The following SNTG1 variants were observed in gnomAD, a reference collection of about 807,000 sequenced individuals.
SNTG1 encodes syntrophin gamma 1, also known as gamma-1-syntrophin.
In SNTG1, 39 loss-of-function variants were observed where a neutral mutation model predicts 74.7. The ratio of observed to expected loss-of-function variants is 0.52; its 90% CI spans 0.40 to 0.68. The LOEUF is 0.68. SNTG1 is among the 30% of genes least tolerant of loss of function. The pLI, the probability that SNTG1 is intolerant of heterozygous loss-of-function variation, is 0.00. For missense variants in SNTG1, 685 were observed against 609.5 expected (o/e 1.12, Z -1.30); for synonymous variants, 254 against 217.1 (o/e 1.17, Z -1.49).
chr8:50,101,541 T>A (rs182442305), intron 1 of SNTG1, among the ~76,000 whole-genome samples: 1 of 151,906 alleles, frequency 6.6e-6, no homozygotes, highest in African/African-American at 2.4e-5. Flanking sequence ...ATGGGGAGTA[T>A]ATTTTCTTAT....
At chr8:50,175,740 C>T (rs995677889) in intron 2 of SNTG1, among the ~76,000 whole-genome samples, 4 of 152,106 alleles carry the variant, frequency 2.6e-5, no homozygotes, top group South Asian at 2.1e-4. Context: ...CACTTGAGGG[C>T]GGCTATTCTC....
In SNTG1 at chr8:50,172,559, A is replaced by G. The variant is rs2082844881; in HGVS notation, c.-102-2A>G. 1 of 151,998 alleles carries G rather than the reference A, an allele frequency of 6.6e-6. No individual in the cohort carries two copies. The highest frequency in any genetic ancestry group is 1.5e-5 in the Non-Finnish European group (1 of 68,000). The allele number at this position is 151,998 out of a possible 1,614,324, so 9.4% of individuals were successfully genotyped here. ...CTTATTTTTTTTTATTTCTGCATCT[A>G]GACTGCTCTCCAGAATGTTGAGATT... On this transcript the variant is annotated splice_acceptor_variant, in intron 1 of 18. Transcript: ENST00000642720. LOFTEE classifies it low-confidence loss of function (5UTR_SPLICE).
intron 1 of SNTG1, among the ~76,000 whole-genome samples, chr8:49,965,385 A>T (rs1811050048): frequency 6.6e-6 from 1 of 152,152 alleles, no homozygotes; most frequent in Admixed American, 6.5e-5. Flanking sequence ...TGAGGCCTGG[A>T]TATATTTGCT....
chr8:50,438,733 T>C, intron 5 of SNTG1, 134 bp downstream of exon 5: 1 of 641,556 alleles, frequency 1.6e-6, no homozygotes. Context: ...GACGGGGATG[T>C]AAATTAGGTA....
intron 1 of SNTG1, among the ~76,000 whole-genome samples, chr8:50,087,403 A>G (rs1321687392): frequency 2.0e-5 from 3 of 152,174 alleles, no homozygotes; most frequent in African/African-American, 7.2e-5. Flanking sequence ...CATGTGGTTT[A>G]CTATTTTATG....
chr8:50,433,206 A>G (rs553278066), intron 4 of SNTG1, among the ~76,000 whole-genome samples: 1 of 152,336 alleles, frequency 6.6e-6, no homozygotes, highest in East Asian at 1.9e-4. Flanking sequence ...TAATAATTCC[A>G]TATTCTATGA....
chr8:50,620,977 T>A (rs569679987), intron 13 of SNTG1, among the ~76,000 whole-genome samples: 1 of 152,188 alleles, frequency 6.6e-6, no homozygotes, highest in African/African-American at 2.4e-5. Flanking sequence ...CCATGCAGAA[T>A]TTGCCATCAG....
chr8:50,300,233 C>A (rs1027766806), intron 2 of SNTG1, among the ~76,000 whole-genome samples: 33 of 152,218 alleles, frequency 2.2e-4, no homozygotes, highest in African/African-American at 6.5e-4. Context: ...TTGTAGTATG[C>A]AAGCACCAGT....
intron 2 of SNTG1, among the ~76,000 whole-genome samples, chr8:50,226,576 A>G (rs2085340531): frequency 6.6e-6 from 1 of 152,192 alleles, no homozygotes; most frequent in Non-Finnish European, 1.5e-5. Flanking sequence ...CTTAACCTGA[A>G]CATTTCCTTT....
At chr8:50,208,619 T>C (rs1246055401) in intron 2 of SNTG1, among the ~76,000 whole-genome samples, 1 of 152,178 alleles carries the variant, frequency 6.6e-6, no homozygotes, top group Non-Finnish European at 1.5e-5. Context: ...GTTAGCTGGT[T>C]ATGTTGCTTG....
At chr8:50,092,374 T>TA (rs1477666638) in intron 1 of SNTG1, among the ~76,000 whole-genome samples, 1 of 152,152 alleles carries the variant, frequency 6.6e-6, no homozygotes, top group Non-Finnish European at 1.5e-5. Context: ...TCTCTTCCTT[T>TA]AGGAAGGCCG....
chr8:50,475,065 T>C (rs1397707165), intron 8 of SNTG1, among the ~76,000 whole-genome samples: 3 of 91,470 alleles, frequency 3.3e-5, no homozygotes, highest in African/African-American at 9.3e-5. Flanking sequence ...CATCACACAC[T>C]GGGGACTGTT....
At chr8:50,121,385 C>T (rs1419951349) in intron 1 of SNTG1, among the ~76,000 whole-genome samples, 1 of 141,924 alleles carries the variant, frequency 7.0e-6, no homozygotes, top group Non-Finnish European at 1.6e-5. Context: ...GTGCACTGCT[C>T]AGAAACCCTG....
At chr8:50,214,535 T>C (rs1487214554) in intron 2 of SNTG1, among the ~76,000 whole-genome samples, 1 of 152,146 alleles carries the variant, frequency 6.6e-6, no homozygotes, top group African/African-American at 2.4e-5. Flanking sequence ...AGTTTTCACC[T>C]ACAGGGACAC....
intron 2 of SNTG1, among the ~76,000 whole-genome samples, chr8:50,355,094 T>G (rs901953932): frequency 3.3e-5 from 5 of 152,158 alleles, no homozygotes; most frequent in African/African-American, 9.7e-5. Context: ...CTATTTTAAA[T>G]GCAAGTCTGT....
intron 15 of SNTG1, among the ~76,000 whole-genome samples, chr8:50,687,792 A>C (rs535737574): frequency 6.6e-6 from 1 of 152,164 alleles, no homozygotes; most frequent in African/African-American, 2.4e-5. Flanking sequence ...TCATTGTTCA[A>C]TTCCCACCCG....
At chr8:50,122,358 T>C (rs2081024251) in intron 1 of SNTG1, among the ~76,000 whole-genome samples, 1 of 140,930 alleles carries the variant, frequency 7.1e-6, no homozygotes, top group Non-Finnish European at 1.6e-5. Context: ...CTGGGAGAAG[T>C]AGTGAAAGTG....
intron 12 of SNTG1, 123 bp downstream of exon 12, chr8:50,553,302 T>C (rs1217628850): frequency 8.1e-7 from 1 of 1,240,950 alleles, no homozygotes; most frequent in East Asian, 2.5e-5. Context: ...TCATGAAAGC[T>C]ATTCTGGAAT....
intron 2 of SNTG1, among the ~76,000 whole-genome samples, chr8:50,290,457 G>A (rs2089031984): frequency 6.6e-6 from 1 of 152,128 alleles, no homozygotes; most frequent in South Asian, 2.1e-4. Context: ...CAGAATGTGA[G>A]GCCTTTGCCG....
Sources: allele counts gnomAD v4.1 joint callset (sites outside exome capture counted in the v4.1 genomes callset), GRCh38; gene constraint gnomAD v4.1.1; transcripts MANE v1.5; gene names NCBI Gene and HGNC (gene_info 2026-07-23, HGNC 2026-07-21).